PLEKHA5: variants seen among roughly 807,000 people sequenced by gnomAD.
The protein encoded by PLEKHA5 is pleckstrin homology domain-containing family A member 5.
A neutral mutation model predicts 181.9 loss-of-function variants in PLEKHA5; 55 were observed. That is an observed-to-expected ratio of 0.30 (90% CI 0.24 to 0.38). The LOEUF is 0.38. PLEKHA5 is among the 10% of genes least tolerant of loss of function. PLEKHA5 has a pLI of 1.00. For synonymous variants in PLEKHA5, 535 were observed against 529.4 expected (o/e 1.01, Z -0.15); for missense variants, 1,432 against 1,549.5 (o/e 0.92, Z 1.27).
chr12:19,183,625 C>T (rs2049109456), intron 3 of PLEKHA5, among the ~76,000 whole-genome samples: 1 of 152,196 alleles, frequency 6.6e-6, no homozygotes, highest in African/African-American at 2.4e-5. Context: ...TGTTCTCAGT[C>T]TGCTCTGCCC....
chr12:19,158,146 A>G (rs1252268105), intron 3 of PLEKHA5, among the ~76,000 whole-genome samples: 1 of 151,976 alleles, frequency 6.6e-6, no homozygotes, highest in African/African-American at 2.4e-5. Context: ...AGGTCAGGAG[A>G]TCGAGACCAT....
At chr12:19,138,250 A>G (rs1243606375) in intron 3 of PLEKHA5, among the ~76,000 whole-genome samples, 4 of 152,142 alleles carry the variant, frequency 2.6e-5, no homozygotes, top group Admixed American at 1.3e-4. Context: ...AGTTATGTGT[A>G]TATGTGTATG....
chr12:19,353,394 T>A (rs2094718086), intron 25 of PLEKHA5, among the ~76,000 whole-genome samples: 1 of 152,146 alleles, frequency 6.6e-6, no homozygotes, highest in Non-Finnish European at 1.5e-5. Context: ...TGAGTTCAGG[T>A]GATTCACCCG....
At chr12:19,180,794 G>GTT (rs5796792) in intron 3 of PLEKHA5, among the ~76,000 whole-genome samples, 3 of 145,268 alleles carry the variant, frequency 2.1e-5, no homozygotes, top group African/African-American at 7.6e-5. Flanking sequence ...AAAATATAGT[G>GTT]TTTTTTTTTT....
chr12:19,208,104 G>A (rs2056041563), intron 3 of PLEKHA5, among the ~76,000 whole-genome samples: 1 of 151,984 alleles, frequency 6.6e-6, no homozygotes, highest in Non-Finnish European at 1.5e-5. Flanking sequence ...CACAAAGTAG[G>A]CATTCAATAA....
chr12:19,179,727 C>T (rs2048120599), intron 3 of PLEKHA5, among the ~76,000 whole-genome samples: 1 of 152,032 alleles, frequency 6.6e-6, no homozygotes, highest in Non-Finnish European at 1.5e-5. Context: ...AAATTTTTCC[C>T]TGGTATATGG....
intron 3 of PLEKHA5, among the ~76,000 whole-genome samples, chr12:19,170,825 A>G (rs1290293949): frequency 1.3e-5 from 2 of 152,216 alleles, no homozygotes; most frequent in Non-Finnish European, 2.9e-5. Flanking sequence ...CAAAGTAAGC[A>G]GCCTTCCTGG....
At chr12:19,265,055 C>A (rs1264247457) in intron 7 of PLEKHA5, among the ~76,000 whole-genome samples, 1 of 152,160 alleles carries the variant, frequency 6.6e-6, no homozygotes, top group Non-Finnish European at 1.5e-5. Flanking sequence ...TTTAGTCACA[C>A]TATTGTATAT....
intron 3 of PLEKHA5, among the ~76,000 whole-genome samples, chr12:19,224,260 G>T (rs1791919848): frequency 6.6e-6 from 1 of 152,146 alleles, no homozygotes; most frequent in Non-Finnish European, 1.5e-5. Flanking sequence ...ATGAGACTAG[G>T]TTGCTTTTTT....
At chr12:19,209,500 T>G (rs1406490654) in intron 3 of PLEKHA5, among the ~76,000 whole-genome samples, 1 of 152,184 alleles carries the variant, frequency 6.6e-6, no homozygotes, top group East Asian at 1.9e-4. Flanking sequence ...AAAAATTAGT[T>G]GAGCAAACTT....
intron 3 of PLEKHA5, among the ~76,000 whole-genome samples, chr12:19,174,889 C>T (rs1490353703): frequency 6.6e-6 from 1 of 152,156 alleles, no homozygotes; most frequent in African/African-American, 2.4e-5. Flanking sequence ...GCAGTTCATA[C>T]AACACAGGGA....
chr12:19,273,202 C>G (rs921794467), intron 10 of PLEKHA5, among the ~76,000 whole-genome samples: 1 of 152,148 alleles, frequency 6.6e-6, no homozygotes. Flanking sequence ...AGTGGCCACA[C>G]CTGGCCAACT....
At chr12:19,277,850 T>G (rs940142150) in intron 11 of PLEKHA5, among the ~76,000 whole-genome samples, 1 of 152,214 alleles carries the variant, frequency 6.6e-6, no homozygotes, top group Non-Finnish European at 1.5e-5. Context: ...AAAGTTTCAT[T>G]CTGAGTGGCA....
intron 20 of PLEKHA5, 131 bp downstream of exon 20, chr12:19,322,798 A>G: frequency 1.6e-6 from 1 of 611,298 alleles, no homozygotes; most frequent in Non-Finnish European, 2.8e-6. Context: ...TTAATTTGTT[A>G]TTAGTGTGCT....
chr12:19,169,373 C>G (rs1042448108), intron 3 of PLEKHA5, among the ~76,000 whole-genome samples: 3 of 152,152 alleles, frequency 2.0e-5, no homozygotes, highest in African/African-American at 7.2e-5. Flanking sequence ...AGCCCTTTCT[C>G]CCTGCCTAGT....
chr12:19,355,926 C>T (rs2094901421), intron 26 of PLEKHA5, among the ~76,000 whole-genome samples: 1 of 151,800 alleles, frequency 6.6e-6, no homozygotes, highest in Admixed American at 6.6e-5. Flanking sequence ...TTTGAGAGGC[C>T]AAGGCTGGCA....
chr12:19,255,346 C>G (rs955137721), intron 5 of PLEKHA5, among the ~76,000 whole-genome samples, 181 bp downstream of exon 5: 4 of 151,912 alleles, frequency 2.6e-5, no homozygotes, highest in Admixed American at 1.3e-4. Context: ...AATTCAGTGA[C>G]TTAAATTTTT....
chr12:19,158,307 C>G (rs530422664), intron 3 of PLEKHA5, among the ~76,000 whole-genome samples: 1 of 151,748 alleles, frequency 6.6e-6, no homozygotes, highest in Non-Finnish European at 1.5e-5. Context: ...GAGCCGAGAT[C>G]GCACCACTGC....
chr12:19,360,261 T>C (rs928425974), intron 28 of PLEKHA5, among the ~76,000 whole-genome samples: 1 of 150,640 alleles, frequency 6.6e-6, no homozygotes, highest in African/African-American at 2.4e-5. Flanking sequence ...TGAGCCCAAG[T>C]CGCAGTGAGT....
Sources: allele counts gnomAD v4.1 joint callset (sites outside exome capture counted in the v4.1 genomes callset), GRCh38; gene constraint gnomAD v4.1.1; transcripts MANE v1.5; gene names NCBI Gene and HGNC (gene_info 2026-07-23, HGNC 2026-07-21).